The following UBE2V2 variants were observed in gnomAD, a reference collection of about 807,000 sequenced individuals.
The protein encoded by UBE2V2 is ubiquitin-conjugating enzyme E2 variant 2.
Under a neutral mutation model 17.2 loss-of-function variants are expected in UBE2V2, and 9 were observed. That is an observed-to-expected ratio of 0.52 (90% CI 0.32 to 0.91). The LOEUF is 0.91. Among genes scored for constraint, UBE2V2 ranks in the 40% least tolerant of loss-of-function variants. UBE2V2 has a pLI of 0.04. For missense variants in UBE2V2, 133 were observed against 182.6 expected (o/e 0.73, Z 1.56); for synonymous variants, 61 against 57.5 (o/e 1.06, Z -0.28).
Position 48,008,488 on chromosome 8 carries a change from G to C in UBE2V2, c.16+18G>C, listed in dbSNP as rs2091201836. 6.4e-7 allele frequency: 1 copy of C among 1,566,420 alleles called. No homozygotes were observed. The highest frequency in any genetic ancestry group is 1.2e-5 in the South Asian group (1 of 86,872). ...CTCCACAGGTCGGTTCCCGGGCCGG[G>C]CTGCGTGATTTTCCGCTCCGACCCG... is the stretch of plus-strand genomic sequence containing the variant. On this transcript the variant is annotated intron_variant, in intron 1 of 3. Transcript: ENST00000523111.
In UBE2V2 at chr8:48,061,443, T is replaced by C. The variant is rs192523393; in HGVS notation, c.*615T>C. 19 of 152,794 alleles carry C rather than the reference T, an allele frequency of 1.2e-4. No individual in the cohort carries two copies. Among genetic ancestry groups the C allele is most frequent in the African/African-American group, 4.3e-4 (18 of 41,592 alleles). The allele number at this position is 152,794 out of a possible 1,614,324, so 9.5% of individuals were successfully genotyped here. On this transcript the variant is annotated 3_prime_UTR_variant, in exon 4 of 4. Coordinates refer to ENST00000523111, the MANE Select transcript of UBE2V2 (RefSeq NM_003350.3). ...AGACATGGTAAATATTTGTTTACAG[T>C]CTTTGTTTAACAAACCATGCATTTA...
upstream of UBE2V2, among the ~76,000 whole-genome samples, chr8:48,007,518 A>T (rs949690617): frequency 6.6e-6 from 1 of 152,112 alleles, no homozygotes; most frequent in African/African-American, 2.4e-5. Context: ...CAATTGCTAC[A>T]AAGAGAATAA....
chr8:48,004,846 T>A (rs575586290), upstream of UBE2V2, among the ~76,000 whole-genome samples: 1 of 151,922 alleles, frequency 6.6e-6, no homozygotes, highest in African/African-American at 2.4e-5. Flanking sequence ...TTTTTTTTTT[T>A]AAGACAGTGT....
chr8:48,022,617 G>T (rs1292498761), intron 1 of UBE2V2, among the ~76,000 whole-genome samples: 1 of 151,998 alleles, frequency 6.6e-6, no homozygotes, highest in Non-Finnish European at 1.5e-5. Flanking sequence ...AGATGTTTTT[G>T]TGTTACTCAT....
intron 1 of UBE2V2, among the ~76,000 whole-genome samples, chr8:48,015,331 C>T (rs2091261624): frequency 6.6e-6 from 1 of 151,720 alleles, no homozygotes; most frequent in Admixed American, 6.6e-5. Context: ...GAGCTGTGAT[C>T]GTGTCACTGC....
intron 1 of UBE2V2, among the ~76,000 whole-genome samples, chr8:48,017,581 C>T (rs1279840575): frequency 6.6e-6 from 1 of 151,908 alleles, no homozygotes. Context: ...CCATGTTGGT[C>T]AGGCTGGTAA....
At chr8:48,060,624 ATTG>A in intron 3 of UBE2V2, 55 bp from the exon 4 acceptor site, 1 of 1,336,072 alleles carries the variant, frequency 7.5e-7, no homozygotes, top group Non-Finnish European at 9.7e-7. Context: ...TGCTTAACAA[ATTG>A]GTGCCATAGT....
intron 3 of UBE2V2, among the ~76,000 whole-genome samples, chr8:48,055,631 C>T (rs2091566867): frequency 1.3e-5 from 2 of 152,052 alleles, no homozygotes; most frequent in Admixed American, 1.3e-4. Flanking sequence ...TTTTAGTATT[C>T]ACAACATTGT....
At chr8:48,038,284 C>A (rs1240361971) in intron 1 of UBE2V2, among the ~76,000 whole-genome samples, 1 of 152,024 alleles carries the variant, frequency 6.6e-6, no homozygotes, top group Non-Finnish European at 1.5e-5. Context: ...TCTCTTTGCC[C>A]AGAGGTCATC....
chr8:48,056,984 C>T (rs2091577444), intron 3 of UBE2V2, among the ~76,000 whole-genome samples: 1 of 152,158 alleles, frequency 6.6e-6, no homozygotes, highest in Non-Finnish European at 1.5e-5. Context: ...CCTTGGCCTC[C>T]CAAAGTGCTG....
chr8:48,043,900 T>C (rs1343839265), intron 2 of UBE2V2, among the ~76,000 whole-genome samples: 1 of 152,020 alleles, frequency 6.6e-6, no homozygotes, highest in Non-Finnish European at 1.5e-5. Context: ...ACTCAAAGTC[T>C]TTTAGTCTTT....
upstream of UBE2V2, among the ~76,000 whole-genome samples, chr8:48,005,056 CAG>C (rs1030838834): frequency 2.2e-5 from 3 of 138,948 alleles, no homozygotes; most frequent in Non-Finnish European, 4.6e-5. Context: ...TTCTGGGGAA[CAG>C]GGGCAGAACA....
intron 1 of UBE2V2, among the ~76,000 whole-genome samples, chr8:48,011,333 A>T (rs905118074): frequency 6.6e-6 from 1 of 151,902 alleles, no homozygotes; most frequent in East Asian, 1.9e-4. Flanking sequence ...ACGCCCAGCT[A>T]ATTTATTGTA....
chr8:48,037,668 A>G (rs1349729950), intron 1 of UBE2V2, among the ~76,000 whole-genome samples: 3 of 152,174 alleles, frequency 2.0e-5, no homozygotes, highest in Admixed American at 6.5e-5. Context: ...TTTGACTATC[A>G]TGGCTAGATC....
chr8:48,012,578 C>T (rs868179212), intron 1 of UBE2V2, among the ~76,000 whole-genome samples: 21 of 151,696 alleles, frequency 1.4e-4, no homozygotes, highest in Admixed American at 8.5e-4. Flanking sequence ...ATTATCCGGG[C>T]GTGGTGGCAC....
chr8:48,004,680 G>A (rs765778700), upstream of UBE2V2, among the ~76,000 whole-genome samples: 32 of 151,846 alleles, frequency 2.1e-4, no homozygotes, highest in African/African-American at 5.1e-4. Context: ...ACAGGTGGCC[G>A]CCACCATACC....
intron 1 of UBE2V2, among the ~76,000 whole-genome samples, chr8:48,040,849 T>G (rs1269279933): frequency 7.6e-6 from 1 of 131,310 alleles, no homozygotes; most frequent in African/African-American, 2.7e-5. Flanking sequence ...GCTGGGTTTT[T>G]TTTTTTTTTT....
intron 3 of UBE2V2, among the ~76,000 whole-genome samples, chr8:48,053,484 C>T (rs554331668): frequency 2.0e-5 from 3 of 148,384 alleles, no homozygotes; most frequent in South Asian, 2.1e-4. Context: ...AGTGCAGTCA[C>T]GCGATCTTGG....
At chr8:47,997,837 T>TG in the UBE2V2 span, among the ~76,000 whole-genome samples, 17 of 150,708 alleles carry the variant, frequency 1.1e-4, no homozygotes, top group East Asian at 2.0e-4. Flanking sequence ...AGGCATACGG[T>TG]GGGGGGGTCA....
Sources: allele counts gnomAD v4.1 joint callset (sites outside exome capture counted in the v4.1 genomes callset), GRCh38; gene constraint gnomAD v4.1.1; transcripts MANE v1.5; gene names NCBI Gene and HGNC (gene_info 2026-07-23, HGNC 2026-07-21).